The following PCDH11X variants were observed in gnomAD, a reference collection of about 807,000 sequenced individuals.
PCDH11X encodes the protein protocadherin 11 X-linked.
PCDH11X carries 18 observed loss-of-function variants against 53.3 expected under a neutral mutation model. The ratio of observed to expected loss-of-function variants is 0.34; its 90% CI spans 0.23 to 0.50. PCDH11X has a LOEUF of 0.50. Ranked by LOEUF, PCDH11X falls within the 20% of genes least tolerant of loss-of-function variation. The probability of loss-of-function intolerance (pLI) is 0.98; values close to 1 mark genes in which losing one functional copy is unlikely to be tolerated. For synonymous variants in PCDH11X, 279 were observed against 393.3 expected (o/e 0.71, Z 3.44); for missense variants, 570 against 1,032.4 (o/e 0.55, Z 6.14).
chrX:92,212,107 G>T (rs1359900067), intron 7 of PCDH11X, among the ~76,000 whole-genome samples: 1 of 99,323 alleles, frequency 1.0e-5, no homozygotes, highest in Non-Finnish European at 2.0e-5. Flanking sequence ...CACCTCCCAG[G>T]CTCAAGCAAT....
intron 6 of PCDH11X, among the ~76,000 whole-genome samples, chrX:91,902,018 G>C (rs911690941): frequency 1.8e-5 from 2 of 111,530 alleles, no homozygotes; most frequent in African/African-American, 6.5e-5. Flanking sequence ...AATTAAATAA[G>C]CTAAAACATA....
intron 6 of PCDH11X, among the ~76,000 whole-genome samples, chrX:91,966,170 G>A (rs1421660405): frequency 9.4e-6 from 1 of 106,336 alleles, no homozygotes; most frequent in East Asian, 2.9e-4. Context: ...TTTTTTCTGA[G>A]AGGCCTGAAC....
At chrX:92,318,220 G>A (rs2148489826) in intron 8 of PCDH11X, among the ~76,000 whole-genome samples, 1 of 110,922 alleles carries the variant, frequency 9.0e-6, no homozygotes, top group African/African-American at 3.3e-5. Context: ...TATTTTTATT[G>A]CCTACCTACA....
chrX:92,182,864 C>T (rs1448850025), intron 6 of PCDH11X, among the ~76,000 whole-genome samples: 1 of 111,107 alleles, frequency 9.0e-6, no homozygotes, highest in Non-Finnish European at 1.9e-5. Flanking sequence ...GACTAATACA[C>T]CACCTCATAC....
chrX:92,473,986 A>AT (rs922905029), intron 10 of PCDH11X, among the ~76,000 whole-genome samples: 3 of 110,407 alleles, frequency 2.7e-5, no homozygotes, highest in Non-Finnish European at 5.7e-5. Flanking sequence ...ATTAAGTTCA[A>AT]TTTTTTTTGC....
At chrX:92,599,673 G>T (rs1406447753) in intron 10 of PCDH11X, among the ~76,000 whole-genome samples, 4 of 111,623 alleles carry the variant, frequency 3.6e-5, no homozygotes, top group Non-Finnish European at 7.5e-5. Context: ...TTGGTACCAG[G>T]ATTAGGGCGC....
At chrX:92,608,461 T>C (rs1385726852) in intron 10 of PCDH11X, among the ~76,000 whole-genome samples, 1 of 109,152 alleles carries the variant, frequency 9.2e-6, no homozygotes, top group Non-Finnish European at 1.9e-5. Flanking sequence ...CTAAGTGTCT[T>C]AGAAAACCTT....
intron 8 of PCDH11X, among the ~76,000 whole-genome samples, chrX:92,300,187 T>A (rs1208699292): frequency 2.0e-4 from 22 of 111,129 alleles, no homozygotes; most frequent in Admixed American, 1.7e-3. Context: ...TGTGATTTTT[T>A]AAAATTTGCT....
At chrX:92,615,050 A>G (rs1364622038) in intron 10 of PCDH11X, among the ~76,000 whole-genome samples, 1 of 111,640 alleles carries the variant, frequency 9.0e-6, no homozygotes, top group Non-Finnish European at 1.9e-5. Context: ...TCCATGGCCA[A>G]CAAGGGCGGG....
chrX:92,210,020 TAAGGCTGCACAG>T (rs1232747109), intron 7 of PCDH11X, among the ~76,000 whole-genome samples: 2 of 110,647 alleles, frequency 1.8e-5, no homozygotes, highest in Admixed American at 1.9e-4. Context: ...TGCCATGTCC[TAAGGCTGCACAG>T]AGCAGCAGGG....
At chrX:92,031,575 C>CAT (rs766464467) in intron 6 of PCDH11X, among the ~76,000 whole-genome samples, 2 of 111,624 alleles carry the variant, frequency 1.8e-5, no homozygotes, top group Non-Finnish European at 3.8e-5. Flanking sequence ...TGTCCTGGAG[C>CAT]ATATCTCCAA....
chrX:92,171,966 C>A (rs1345667831), intron 6 of PCDH11X, among the ~76,000 whole-genome samples: 1 of 109,470 alleles, frequency 9.1e-6, no homozygotes, highest in Admixed American at 9.9e-5. Context: ...AATATTTATC[C>A]TTTTATATGC....
intron 6 of PCDH11X, among the ~76,000 whole-genome samples, chrX:92,070,130 G>T (rs1444505915): frequency 9.0e-6 from 1 of 111,467 alleles, no homozygotes; most frequent in Non-Finnish European, 1.9e-5. Context: ...GCTGTGTCTT[G>T]CAAAAATGTT....
At chrX:92,554,768 T>G (rs1253578237) in intron 10 of PCDH11X, among the ~76,000 whole-genome samples, 2 of 110,601 alleles carry the variant, frequency 1.8e-5, no homozygotes, top group Non-Finnish European at 3.8e-5. Flanking sequence ...TTTGTCATTT[T>G]CTATATGGCA....
At chrX:92,246,389 A>T (rs1161066449) in intron 7 of PCDH11X, among the ~76,000 whole-genome samples, 1 of 111,163 alleles carries the variant, frequency 9.0e-6, no homozygotes, top group African/African-American at 3.3e-5. Context: ...GTCTCACTCT[A>T]TCGCCCAGGC....
intron 6 of PCDH11X, among the ~76,000 whole-genome samples, chrX:92,013,960 GA>G (rs1569308122): frequency 9.0e-6 from 1 of 111,476 alleles, no homozygotes; most frequent in African/African-American, 3.3e-5. Context: ...TACCATTCAG[GA>G]CATAGGCATG....
rs1373843289 is a variant in PCDH11X at position 91,789,026 on chromosome X, C to T, written c.-379+9342C>T. Among the ~76,000 whole-genome samples the T allele has an allele frequency of 3.7e-5, 4 of 108,165 alleles. No homozygotes were observed. In the Admixed American group the frequency reaches 4.0e-4, roughly 11 times the overall value. 93.9% of individuals were successfully genotyped at this position (108,165 alleles called of 115,157 possible). The stretch of plus-strand genomic sequence containing the variant: ...CATCGTGGCCAACATGGTGAAACCC[C>T]GTCTCTACTAAAAAAAATTACAAAA... On this transcript the variant is annotated intron_variant, in intron 1 of 10. Transcript: ENST00000682573.
intron 4 of PCDH11X, chrX:91,835,173 A>G (rs1201597808): frequency 9.2e-6 from 6 of 649,971 alleles, no homozygotes; most frequent in Non-Finnish European, 1.2e-5. Flanking sequence ...CTATCTTGGT[A>G]TATTAAAGTA....
intron 6 of PCDH11X, among the ~76,000 whole-genome samples, chrX:92,180,249 A>C (rs1291115820): frequency 9.0e-6 from 1 of 111,032 alleles, no homozygotes; most frequent in East Asian, 2.9e-4. Context: ...GAGGACAGCA[A>C]GGGGGAGGTC....
Sources: allele counts gnomAD v4.1 joint callset (sites outside exome capture counted in the v4.1 genomes callset), GRCh38; gene constraint gnomAD v4.1.1; transcripts MANE v1.5; gene names NCBI Gene and HGNC (gene_info 2026-07-23, HGNC 2026-07-21).